The following SHISA9 variants were observed in gnomAD, a reference collection of about 807,000 sequenced individuals.
SHISA9 encodes the protein protein shisa-9.
In SHISA9, 13 loss-of-function variants were observed where a neutral mutation model predicts 38.0. That is an observed-to-expected ratio of 0.34 (90% CI 0.22 to 0.54). The LOEUF is 0.54. Ranked by LOEUF, SHISA9 falls within the 20% of genes least tolerant of loss-of-function variation. SHISA9 has a pLI of 0.91. For synonymous variants in SHISA9, 275 were observed against 242.0 expected (o/e 1.14, Z -1.27); for missense variants, 538 against 575.8 (o/e 0.93, Z 0.67).
chr16:12,960,900 A>G (rs2071902158), intron 2 of SHISA9, among the ~76,000 whole-genome samples: 1 of 152,108 alleles, frequency 6.6e-6, no homozygotes, highest in Non-Finnish European at 1.5e-5. Flanking sequence ...TTGGGGACTC[A>G]GTGATGAATT....
chr16:13,089,613 T>C (rs2073752284), intron 2 of SHISA9, among the ~76,000 whole-genome samples: 1 of 152,230 alleles, frequency 6.6e-6, no homozygotes, highest in African/African-American at 2.4e-5. Context: ...TATTCTCTGA[T>C]GGTAGTTTGT....
intron 2 of SHISA9, among the ~76,000 whole-genome samples, chr16:12,979,970 C>T (rs1054073908): frequency 6.6e-6 from 1 of 152,074 alleles, no homozygotes; most frequent in Non-Finnish European, 1.5e-5. Context: ...ATATTAAATG[C>T]AGAGTCTTTT....
chr16:13,343,872 C>T, the SHISA9 span, among the ~76,000 whole-genome samples: 1 of 152,072 alleles, frequency 6.6e-6, no homozygotes, highest in Admixed American at 6.6e-5. Context: ...CAAGAAACCC[C>T]AGCATCAATA....
chr16:13,235,077 G>A lies in SHISA9; in HGVS notation c.943G>A (p.Glu315Lys). ...DFYTKRRHLA[E>K]LAAKGNLPLH... ...CTACACCAAGCGACGGCACCTGGCT[G>A]AGCTGGCTGCCAAGGGGAACTTACC... Residue 315 changes from glutamate (E) to lysine (K), a missense_variant, in exon 5 of 5, where the codon GAG (glutamate) becomes AAG (lysine). Transcript: ENST00000558583. 3 of 1,551,554 alleles carry A rather than the reference G, an allele frequency of 1.9e-6. No individual in the cohort carries two copies. Among genetic ancestry groups the A allele is most frequent in the Non-Finnish European group, 2.6e-6 (3 of 1,146,976 alleles).
intron 2 of SHISA9, among the ~76,000 whole-genome samples, chr16:13,102,448 C>G (rs1425496729): frequency 2.0e-5 from 3 of 152,140 alleles, no homozygotes; most frequent in Non-Finnish European, 2.9e-5. Context: ...CAGGAGGTCT[C>G]TTTCTCTAAG....
chr16:13,422,757 A>G, the SHISA9 span, among the ~76,000 whole-genome samples: 1 of 152,050 alleles, frequency 6.6e-6, no homozygotes, highest in South Asian at 2.1e-4. Context: ...AACAACAACA[A>G]ACAATTGGGT....
At chr16:13,079,908 T>C (rs2073627773) in intron 2 of SHISA9, among the ~76,000 whole-genome samples, 1 of 152,176 alleles carries the variant, frequency 6.6e-6, no homozygotes, top group African/African-American at 2.4e-5. Context: ...CTTCTTGTGG[T>C]GTTAACACTA....
chr16:12,971,993 G>C (rs1330486141), intron 2 of SHISA9, among the ~76,000 whole-genome samples: 1 of 150,628 alleles, frequency 6.6e-6, no homozygotes. Context: ...CTAGACATTG[G>C]GGATATGGTT....
At chr16:13,329,159 C>A in the SHISA9 span, among the ~76,000 whole-genome samples, 1 of 152,162 alleles carries the variant, frequency 6.6e-6, no homozygotes, top group African/African-American at 2.4e-5. Context: ...GGGCGACCAG[C>A]CTTCCCTGCT....
chr16:13,286,954 T>G, the SHISA9 span, among the ~76,000 whole-genome samples: 1 of 152,310 alleles, frequency 6.6e-6, no homozygotes, highest in South Asian at 2.1e-4. Context: ...ACCAGGCAAA[T>G]GGAGTGTGGG....
the SHISA9 span, among the ~76,000 whole-genome samples, chr16:13,275,688 C>T: frequency 6.6e-6 from 1 of 151,948 alleles, no homozygotes; most frequent in Non-Finnish European, 1.5e-5. Flanking sequence ...TTTTATAGAA[C>T]TCACCAATAA....
At chr16:13,330,972 C>T in the SHISA9 span, among the ~76,000 whole-genome samples, 4 of 152,202 alleles carry the variant, frequency 2.6e-5, no homozygotes, top group Non-Finnish European at 4.4e-5. Context: ...GCCCTGTGAT[C>T]CTAGCGCCCA....
At chr16:13,261,465 G>A in the SHISA9 span, among the ~76,000 whole-genome samples, 1 of 152,160 alleles carries the variant, frequency 6.6e-6, no homozygotes, top group East Asian at 1.9e-4. Context: ...CACAAAGCTG[G>A]TAAGTATCAG....
rs139725440 is a variant in SHISA9, at chr16:13,007,936, T to C, written c.691+91121T>C. On this transcript the variant is annotated intron_variant, in intron 2 of 4. Transcript: ENST00000558583. ...AGGGTCTTGCACTTGTAGGTGACTG[T>C]AGCAGACACTATTGGTGCTCTACCT... Among the ~76,000 whole-genome samples, 523 of 152,304 alleles carry C rather than the reference T, an allele frequency of 3.4e-3. 5 individuals are homozygous for C. The highest frequency in any genetic ancestry group is 0.012 in the African/African-American group (500 of 41,566).
chr16:13,239,049 T>C lies in SHISA9; in HGVS notation c.*3640T>C, dbSNP rs1215147313. ...CCCTTCTTGTGTCCATGTGTTCTCA[T>C]TGTTCAATTCCCATCTATGAGTGAG... is the stretch of plus-strand genomic sequence containing the variant. On this transcript the variant is annotated 3_prime_UTR_variant, in exon 5 of 5. Coordinates refer to ENST00000558583, the MANE Select transcript of SHISA9 (RefSeq NM_001145204.3). 7.3e-6 allele frequency: 1 copy of C among 137,210 alleles called. No individual in the cohort carries two copies. The highest frequency in any genetic ancestry group is 1.5e-5 in the Non-Finnish European group (1 of 65,862). 8.5% of individuals were successfully genotyped at this position (137,210 alleles called of 1,614,324 possible). A position where few individuals can be genotyped will look rare whatever the true frequency, so the allele number is the denominator to read the frequency against.
the SHISA9 span, among the ~76,000 whole-genome samples, chr16:13,303,811 G>T: frequency 6.6e-6 from 1 of 152,156 alleles, no homozygotes; most frequent in Non-Finnish European, 1.5e-5. Flanking sequence ...GATTGCGTGA[G>T]AATGATGACG....
intron 4 of SHISA9, among the ~76,000 whole-genome samples, chr16:13,234,462 C>T (rs1304050264): frequency 6.6e-6 from 1 of 152,188 alleles, no homozygotes; most frequent in African/African-American, 2.4e-5. Flanking sequence ...GGTTAAGCTG[C>T]TGGCAGGTGT....
the SHISA9 span, among the ~76,000 whole-genome samples, chr16:13,428,368 G>A: frequency 6.6e-6 from 1 of 152,130 alleles, no homozygotes; most frequent in African/African-American, 2.4e-5. Flanking sequence ...TTCATCAGTG[G>A]AGCCCTCCTG....
rs1182596626 is a variant in SHISA9 at position 13,019,938 on chromosome 16, T to TCC, written c.691+103124_691+103125insCC. Among the ~76,000 whole-genome samples the TCC allele has an allele frequency of 5.1e-4, 51 of 100,868 alleles. 2 individuals carry two copies. Among genetic ancestry groups the TCC allele is most frequent in the Non-Finnish European group, 8.5e-4 (39 of 45,656 alleles). 66.2% of individuals were successfully genotyped at this position (100,868 alleles called of 152,430 possible). A position where few individuals can be genotyped will look rare whatever the true frequency, so the allele number is the denominator to read the frequency against. On this transcript the variant is annotated intron_variant, in intron 2 of 4. Coordinates refer to ENST00000558583, the MANE Select transcript of SHISA9 (RefSeq NM_001145204.3). The stretch of plus-strand genomic sequence containing the variant: ...TTCTTTCTTTCTTTCTTTCTTTCTT[T>TCC]CTTTCTTTCTTTCTTTCTTTCCCTC...
Sources: allele counts gnomAD v4.1 joint callset (sites outside exome capture counted in the v4.1 genomes callset), GRCh38; gene constraint gnomAD v4.1.1; transcripts MANE v1.5; gene names NCBI Gene and HGNC (gene_info 2026-07-23, HGNC 2026-07-21).